SYT16: variants seen among roughly 807,000 people sequenced by gnomAD.
SYT16 encodes synaptotagmin 16, also known as synaptotagmin-16.
Under a neutral mutation model 61.4 loss-of-function variants are expected in SYT16, and 42 were observed. The ratio of observed to expected loss-of-function variants is 0.68; its 90% CI spans 0.53 to 0.89. The LOEUF (loss-of-function observed/expected upper bound fraction) is 0.89, where lower values mean the gene tolerates loss of function less well. SYT16 is among the 40% of genes least tolerant of loss of function. The pLI, the probability that SYT16 is intolerant of heterozygous loss-of-function variation, is 0.00. For missense variants in SYT16, 804 were observed against 807.3 expected, an observed-to-expected ratio of 1.00 and a Z score of 0.05; for synonymous variants, 314 against 302.3, an observed-to-expected ratio of 1.04 and a Z score of -0.40.
At chr14:61,901,762 A>AATAATAATAATAATAATTATT (rs1010775490) in intron 1 of SYT16, among the ~76,000 whole-genome samples, 2 of 138,850 alleles carry the variant, frequency 1.4e-5, no homozygotes, top group African/African-American at 5.9e-5. Flanking sequence ...TAATAATAAT[A>AATAATAATAATAATAATTATT]ATTATTATTA....
At chr14:61,985,461 T>G (rs773289790) in intron 2 of SYT16, among the ~76,000 whole-genome samples, 1 of 152,146 alleles carries the variant, frequency 6.6e-6, no homozygotes, top group Non-Finnish European at 1.5e-5. Context: ...CAATAAAACT[T>G]TCATCAGATG....
intron 1 of SYT16, among the ~76,000 whole-genome samples, chr14:61,962,637 C>A (rs925072201): frequency 6.6e-6 from 1 of 152,046 alleles, no homozygotes; most frequent in Non-Finnish European, 1.5e-5. Flanking sequence ...TTCCATAATG[C>A]ATATATTTGT....
intron 3 of SYT16, among the ~76,000 whole-genome samples, chr14:62,021,149 T>C (rs2053893796): frequency 6.6e-6 from 1 of 152,188 alleles, no homozygotes; most frequent in Non-Finnish European, 1.5e-5. Flanking sequence ...TGTGAGTTGA[T>C]CATTTTGAGG....
intron 1 of SYT16, among the ~76,000 whole-genome samples, chr14:61,846,428 C>T (rs186558546): frequency 6.6e-6 from 1 of 152,256 alleles, no homozygotes; most frequent in East Asian, 1.9e-4. Flanking sequence ...TTTGTCTCCT[C>T]TTACAGTTTT....
intron 1 of SYT16, among the ~76,000 whole-genome samples, chr14:61,890,589 G>C (rs533626232): frequency 6.6e-6 from 1 of 150,412 alleles, no homozygotes; most frequent in East Asian, 1.9e-4. Flanking sequence ...AGCTTCTTTT[G>C]CTGCAGTATC....
intron 3 of SYT16, among the ~76,000 whole-genome samples, chr14:62,048,625 G>T (rs373582678): frequency 4.4e-4 from 67 of 152,196 alleles, no homozygotes; most frequent in Admixed American, 1.8e-3. Flanking sequence ...GTGCTATAAA[G>T]TTCCCTCTAC....
intron 1 of SYT16, among the ~76,000 whole-genome samples, chr14:61,966,951 G>A (rs915739127): frequency 2.6e-5 from 4 of 152,168 alleles, no homozygotes; most frequent in Non-Finnish European, 4.4e-5. Flanking sequence ...GCTGCTGAGA[G>A]TACAATGAGT....
chr14:62,042,019 G>C (rs1196054527), intron 3 of SYT16, among the ~76,000 whole-genome samples: 2 of 152,026 alleles, frequency 1.3e-5, no homozygotes, highest in Non-Finnish European at 2.9e-5. Flanking sequence ...TCAATCTGTT[G>C]TCTAGTTTGT....
intron 1 of SYT16, among the ~76,000 whole-genome samples, chr14:61,946,880 G>T (rs1294085787): frequency 6.6e-6 from 1 of 152,144 alleles, no homozygotes; most frequent in Non-Finnish European, 1.5e-5. Flanking sequence ...TTAGCTATTT[G>T]CAGGATTGGT....
At chr14:61,989,080 T>C (rs2052438069) in intron 2 of SYT16, among the ~76,000 whole-genome samples, 1 of 152,178 alleles carries the variant, frequency 6.6e-6, no homozygotes, top group African/African-American at 2.4e-5. Flanking sequence ...TTTTTATTCA[T>C]ATAAGTTGTC....
intron 3 of SYT16, among the ~76,000 whole-genome samples, chr14:62,051,842 G>GA (rs1204507389): frequency 6.6e-6 from 1 of 152,094 alleles, no homozygotes; most frequent in Non-Finnish European, 1.5e-5. Context: ...GATCAGCCTG[G>GA]GCAACCTGGT....
In SYT16 at chr14:61,861,481, C is replaced by T. The variant is rs141828553; in HGVS notation, c.-325+48671C>T. Among the ~76,000 whole-genome samples the T allele has an allele frequency of 2.0e-4, 31 of 152,206 alleles. No homozygotes were observed. In the East Asian group the frequency reaches 5.4e-3, roughly 27 times the overall value. On this transcript the variant is annotated intron_variant, in intron 1 of 7. Transcript: ENST00000683842. ...AGGCTGGAGTGCAGTGCAAACATGA[C>T]TCACTACAGCCTTGATCTCTTGGGC...
chr14:62,067,656 G>T (rs1321622232), intron 3 of SYT16, among the ~76,000 whole-genome samples: 5 of 152,204 alleles, frequency 3.3e-5, no homozygotes, highest in African/African-American at 1.2e-4. Flanking sequence ...CTGTTGCTGG[G>T]AATGTACATG....
intron 1 of SYT16, among the ~76,000 whole-genome samples, chr14:61,823,477 C>T (rs1191768811): frequency 6.6e-6 from 1 of 151,004 alleles, no homozygotes; most frequent in East Asian, 1.9e-4. Flanking sequence ...GCCTGTAATC[C>T]CAGCACTTTG....
intron 3 of SYT16, among the ~76,000 whole-genome samples, chr14:62,037,163 C>A (rs1254911): frequency 3.3e-4 from 50 of 151,938 alleles, no homozygotes; most frequent in African/African-American, 1.1e-3. Context: ...AATCTGGTCC[C>A]CACTTGAAAT....
At position 62,075,198 on chromosome 14, in the gene SYT16, T is replaced by C. The variant is rs760243988; in HGVS notation, c.800T>C (p.Ile267Thr). ...ENLSYGEDDHIPAHSQSPCER... is the reference protein window; with the variant it reads ...ENLSYGEDDHTPAHSQSPCER... Reference sequence around the variant, plus strand: ...CTCTCCTACGGTGAAGATGACCACATCCCTGCTCACTCACAGTCCCCATGT... The same window carrying C: ...CTCTCCTACGGTGAAGATGACCACACCCCTGCTCACTCACAGTCCCCATGT... Residue 267 changes from isoleucine (I) to threonine (T), a missense_variant, in exon 5 of 8, where the codon ATC becomes ACC. Physicochemically the swap from Ile to Thr is moderately conservative, Grantham distance 89. Transcript: ENST00000683842. The C allele has an allele frequency of 5.0e-6, 8 of 1,613,212 alleles. No homozygotes were observed. Among genetic ancestry groups the C allele is most frequent in the Non-Finnish European group, 5.9e-6 (7 of 1,179,610 alleles).
chr14:62,053,112 G>T (rs1217641261), intron 3 of SYT16, among the ~76,000 whole-genome samples: 1 of 152,182 alleles, frequency 6.6e-6, no homozygotes, highest in Non-Finnish European at 1.5e-5. Context: ...TCTGGTAAGG[G>T]CTCAGAAAAG....
chr14:62,037,789 G>C (rs2054568137), intron 3 of SYT16, among the ~76,000 whole-genome samples: 1 of 152,148 alleles, frequency 6.6e-6, no homozygotes, highest in Non-Finnish European at 1.5e-5. Context: ...GTCTAAGCTA[G>C]TGACTCATCT....
intron 3 of SYT16, among the ~76,000 whole-genome samples, chr14:62,042,111 T>C (rs1201211638): frequency 6.6e-6 from 1 of 152,210 alleles, no homozygotes; most frequent in Non-Finnish European, 1.5e-5. Flanking sequence ...TGTCAATTGA[T>C]TGACTTTCCC....
Sources: allele counts gnomAD v4.1 joint callset (sites outside exome capture counted in the v4.1 genomes callset), GRCh38; gene constraint gnomAD v4.1.1; transcripts MANE v1.5; gene names NCBI Gene and HGNC (gene_info 2026-07-23, HGNC 2026-07-21).